ERICH3: variants seen among roughly 807,000 people sequenced by gnomAD.
ERICH3 encodes the protein glutamate-rich protein 3.
A neutral mutation model predicts 131.1 loss-of-function variants in ERICH3; 126 were observed. That is an observed-to-expected ratio of 0.96 (90% CI 0.83 to 1.11). The LOEUF is 1.11. ERICH3 is among the 50% of genes most tolerant of loss of function. The pLI is 0.00. For synonymous variants in ERICH3, 695 were observed against 644.6 expected, an observed-to-expected ratio of 1.08 and a Z score of -1.18; for missense variants, 2,050 against 1,810.7, an observed-to-expected ratio of 1.13 and a Z score of -2.40.
Position 74,612,808 on chromosome 1 carries a change from C to A in ERICH3, c.1002G>T (p.Glu334Asp). Residue 334 changes from glutamate to aspartate, a missense_variant and splice_region_variant, in exon 9 of 15, where the codon GAG (glutamate) becomes GAT (aspartate). By Grantham distance (45) the Glu-to-Asp change is conservative. Coordinates refer to ENST00000326665, the MANE Select transcript of ERICH3 (RefSeq NM_001002912.5). Reference sequence around the variant, plus strand: ...GCCTTTTGGAAATAAACTGAAAGGTCTCTGGAATTAAAATAGAAATACATT... The same window carrying A: ...GCCTTTTGGAAATAAACTGAAAGGTATCTGGAATTAAAATAGAAATACATT... ...CVYKGKLLEK[E>D]TFQFISKRHH... The A allele has an allele frequency of 6.4e-7, 1 of 1,565,624 alleles. No individual in the cohort carries two copies. The highest frequency in any genetic ancestry group is 8.7e-7 in the Non-Finnish European group (1 of 1,145,572).
intron 3 of ERICH3, among the ~76,000 whole-genome samples, chr1:74,644,092 T>G (rs548963330): frequency 1.8e-4 from 27 of 152,220 alleles, no homozygotes; most frequent in African/African-American, 6.0e-4. Flanking sequence ...TTAGACATAT[T>G]TGAGAGTGTT....
rs745621091 is a variant in ERICH3 at position 74,572,557 on chromosome 1, G to C, written c.3153C>G (p.Pro1051=). The change falls in exon 14 of 15, where the codon CCC becomes CCG. Residue 1051 remains proline, a synonymous_variant. Coordinates refer to ENST00000326665, the MANE Select transcript of ERICH3 (RefSeq NM_001002912.5). ...GCTCTCTTGCTAAATCTAATTCCTT[G>C]GGTAAAATTTCTTTCCTATCATCTT... ...NREDDRKEIL[P]KELDLARERR... 1.9e-6 allele frequency: 3 copies of C among 1,613,880 alleles called. No individual in the cohort carries two copies. Among genetic ancestry groups the C allele is most frequent in the African/African-American group, 2.7e-5 (2 of 74,940 alleles).
At chr1:74,596,519 T>C (rs560514944) in intron 11 of ERICH3, among the ~76,000 whole-genome samples, 1 of 152,204 alleles carries the variant, frequency 6.6e-6, no homozygotes, top group South Asian at 2.1e-4. Context: ...TTGAAATATA[T>C]ATTACACTGT....
At chr1:74,615,619 T>C (rs1488661422) in intron 8 of ERICH3, among the ~76,000 whole-genome samples, 1 of 152,194 alleles carries the variant, frequency 6.6e-6, no homozygotes, top group Non-Finnish European at 1.5e-5. Context: ...GTCTTCTGGA[T>C]TGCGGTCACC....
At chr1:74,585,359 T>C (rs186826687) in intron 12 of ERICH3, among the ~76,000 whole-genome samples, 1 of 152,346 alleles carries the variant, frequency 6.6e-6, no homozygotes, top group East Asian at 1.9e-4. Flanking sequence ...ACATCTTTTA[T>C]TCAATTCATC....
chr1:74,618,442 A>G (rs1649076989), intron 8 of ERICH3, among the ~76,000 whole-genome samples: 1 of 152,224 alleles, frequency 6.6e-6, no homozygotes, highest in Non-Finnish European at 1.5e-5. Flanking sequence ...AGGAATGCAC[A>G]GATAGATGCA....
At chr1:74,641,704 T>C (rs1646439280) in intron 4 of ERICH3, among the ~76,000 whole-genome samples, 2 of 152,038 alleles carry the variant, frequency 1.3e-5, no homozygotes, top group African/African-American at 4.8e-5. Flanking sequence ...TTAATTTGCT[T>C]CAAGCAGATC....
intron 1 of ERICH3, among the ~76,000 whole-genome samples, chr1:74,653,373 G>A (rs568625519): frequency 4.6e-5 from 7 of 151,958 alleles, no homozygotes; most frequent in Non-Finnish European, 7.4e-5. Context: ...GTGTGTGCAC[G>A]TGTGTGTGTG....
intron 12 of ERICH3, chr1:74,586,635 A>C: frequency 2.2e-6 from 1 of 456,358 alleles, no homozygotes; most frequent in Non-Finnish European, 2.9e-6. Flanking sequence ...ATTTGAAATA[A>C]TCTTAGTAAT....
chr1:74,570,160 C>A lies in ERICH3; in HGVS notation c.*298G>T, dbSNP rs1223263409. The A allele has an allele frequency of 6.6e-6, 1 of 152,202 alleles. No homozygotes were observed. Among genetic ancestry groups the A allele is most frequent in the African/African-American group, 2.4e-5 (1 of 41,444 alleles). 9.4% of individuals were successfully genotyped at this position (152,202 alleles called of 1,614,324 possible). ...TAAAAGTCAAGCATCTGAAAATTAT[C>A]ATTTTTGTTTGAAAATAATGTTAGG... On this transcript the variant is annotated 3_prime_UTR_variant, in exon 15 of 15. Coordinates refer to ENST00000326665, the MANE Select transcript of ERICH3 (RefSeq NM_001002912.5).
chr1:74,606,603 T>C lies in ERICH3; in HGVS notation c.1487A>G (p.Tyr496Cys). Reference protein sequence around the residue: ...LEDDQENTLKYEYEEDFEVDE... With the variant: ...LEDDQENTLKCEYEEDFEVDE... ...AAGAAACTTGTGTTGTTGATTACCATATTTTAAAGTATTTTCCTGGTCGTC... is the reference window on the plus strand; with the variant it reads ...AAGAAACTTGTGTTGTTGATTACCACATTTTAAAGTATTTTCCTGGTCGTC... The change falls in exon 10 of 15, where the codon TAT becomes TGT. Residue 496 changes from tyrosine (Y) to cysteine (C), a missense_variant and splice_region_variant. Coordinates refer to ENST00000326665, the MANE Select transcript of ERICH3 (RefSeq NM_001002912.5). 6.3e-7 allele frequency: 1 copy of C among 1,598,136 alleles called. No homozygotes were observed. The highest frequency in any genetic ancestry group is 8.5e-7 in the Non-Finnish European group (1 of 1,172,252).
intron 6 of ERICH3, among the ~76,000 whole-genome samples, chr1:74,634,230 A>G (rs74093479): frequency 2.4e-3 from 359 of 152,266 alleles, no homozygotes; most frequent in African/African-American, 8.1e-3. Context: ...TAATCACAGT[A>G]TACTTTGTCT....
intron 3 of ERICH3, among the ~76,000 whole-genome samples, chr1:74,645,417 T>G (rs900015681): frequency 1.3e-5 from 2 of 151,642 alleles, no homozygotes; most frequent in East Asian, 3.9e-4. Flanking sequence ...TTATTTATTC[T>G]ATTATGTAAC....
chr1:74,573,607 G>C lies in ERICH3; in HGVS notation c.2219-116C>G, dbSNP rs1048128765. On this transcript the variant is annotated intron_variant, in intron 13 of 14. Transcript: ENST00000326665. The stretch of plus-strand genomic sequence containing the variant: ...GTGAGATATTTATATGTGATATCAA[G>C]AGGCCATTGTATTATATATAAAACA... The C allele has an allele frequency of 1.1e-4, 133 of 1,207,206 alleles. No individual in the cohort carries two copies. In the East Asian group the frequency reaches 4.0e-3, roughly 36 times the overall value. 74.8% of individuals were successfully genotyped at this position (1,207,206 alleles called of 1,614,324 possible). A position where few individuals can be genotyped will look rare whatever the true frequency, so the allele number is the denominator to read the frequency against.
rs1647147047 is a variant in ERICH3 at position 74,579,937 on chromosome 1, A to G, written c.2177-3001T>C. The G allele has an allele frequency of 3.2e-6, 3 of 944,912 alleles. No homozygotes were observed. In the African/African-American group the frequency reaches 5.3e-5, roughly 17 times the overall value. The allele number at this position is 944,912 out of a possible 1,614,324, so 58.5% of individuals were successfully genotyped here. A position where few individuals can be genotyped will look rare whatever the true frequency, so the allele number is the denominator to read the frequency against. On this transcript the variant is annotated intron_variant, in intron 12 of 14. Transcript: ENST00000326665. ...GCTTTTTTTTTTTCACTCAAATGAT[A>G]TAATGATACTTTAAGGTATTTTTTT... is the stretch of plus-strand genomic sequence containing the variant.
At position 74,589,957 on chromosome 1, in the gene ERICH3, C is replaced by T; in HGVS notation, c.1850G>A (p.Arg617Lys). ...TTCACTCAGTTCCTGAGAAGATGAC[C>T]TTCTGGCACTTTCATCTGTGCTGCT... is the stretch of plus-strand genomic sequence containing the variant. The part of the protein sequence containing the change: ...TDSSTDESAR[R>K]SSSQELSEND... Residue 617 changes from arginine to lysine, a missense_variant, in exon 12 of 15, where the codon AGG becomes AAG. Arg to Lys is a conservative substitution (Grantham distance 26). Transcript: ENST00000326665. 1.2e-6 allele frequency: 2 copies of T among 1,613,972 alleles called. No individual in the cohort carries two copies. The highest frequency in any genetic ancestry group is 1.3e-5 in the African/African-American group (1 of 75,022).
chr1:74,651,075 A>T (rs1240527424), intron 1 of ERICH3, among the ~76,000 whole-genome samples: 1 of 152,122 alleles, frequency 6.6e-6, no homozygotes, highest in Non-Finnish European at 1.5e-5. Context: ...CATTTTATGA[A>T]CCACTAATCC....
At position 74,570,998 on chromosome 1, in the gene ERICH3, A is replaced by T. The variant is rs982677717; in HGVS notation, c.*18+101T>A. On this transcript the variant is annotated intron_variant, in intron 14 of 14. Coordinates refer to ENST00000326665, the MANE Select transcript of ERICH3 (RefSeq NM_001002912.5). ...ACAGAATTGAAGCCTGTGTGTTTAT[A>T]TGTGCACAGACACCAATAAAGGGAC... 2.2e-6 allele frequency: 3 copies of T among 1,394,392 alleles called. No homozygotes were observed. In the African/African-American group the frequency reaches 4.3e-5, roughly 20 times the overall value. The allele number at this position is 1,394,392 out of a possible 1,614,324, so 86.4% of individuals were successfully genotyped here.
intron 1 of ERICH3, among the ~76,000 whole-genome samples, chr1:74,657,134 A>C (rs140878766): frequency 2.0e-5 from 3 of 152,330 alleles, no homozygotes; most frequent in African/African-American, 7.2e-5. Context: ...GAAGTAGTCT[A>C]TGGCAGAAGC....
Sources: gnomAD v4.1 joint callset for allele counts (sites outside exome capture counted in the v4.1 genomes callset) on GRCh38, gnomAD v4.1.1 for gene constraint, MANE v1.5 for transcripts, NCBI Gene and HGNC (gene_info 2026-07-23, HGNC 2026-07-21) for gene names.